EIF2B3: variants seen among roughly 807,000 people sequenced by gnomAD.
EIF2B3 encodes the protein eukaryotic translation initiation factor 2B subunit gamma, also known as translation initiation factor eIF2B subunit gamma.
EIF2B3 carries 20 observed loss-of-function variants against 54.1 expected under a neutral mutation model. That is an observed-to-expected ratio of 0.37 (90% CI 0.26 to 0.54). The LOEUF (loss-of-function observed/expected upper bound fraction) is 0.54. EIF2B3 is among the 20% of genes least tolerant of loss of function. The probability of loss-of-function intolerance (pLI) is 0.86; values close to 1 mark genes in which losing one functional copy is unlikely to be tolerated. For synonymous variants in EIF2B3, 153 were observed against 188.1 expected, an observed-to-expected ratio of 0.81 and a Z score of 1.52; for missense variants, 448 against 547.8, an observed-to-expected ratio of 0.82 and a Z score of 1.82.
chr1:44,938,869 AG>A (rs199925938), intron 4 of EIF2B3, among the ~76,000 whole-genome samples: 1,524 of 151,870 alleles, frequency 0.01, 11 homozygotes, highest in Non-Finnish European at 0.016. Flanking sequence ...AGACTGAGGC[AG>A]GGAGATTGCT....
chr1:44,914,845 C>G (rs948978905), intron 5 of EIF2B3, among the ~76,000 whole-genome samples: 1 of 152,112 alleles, frequency 6.6e-6, no homozygotes, highest in Admixed American at 6.5e-5. Flanking sequence ...CCCGCCACCA[C>G]GCCCAGCTAA....
At chr1:44,953,790 C>T (rs998934157) in intron 3 of EIF2B3, among the ~76,000 whole-genome samples, 4 of 152,026 alleles carry the variant, frequency 2.6e-5, no homozygotes, top group Non-Finnish European at 5.9e-5. Flanking sequence ...GACATTCTGT[C>T]TCAAAAATAA....
At chr1:44,862,582 T>A (rs1654641121) in intron 10 of EIF2B3, among the ~76,000 whole-genome samples, 1 of 152,204 alleles carries the variant, frequency 6.6e-6, no homozygotes, top group Admixed American at 6.5e-5. Context: ...ATATATCTAA[T>A]GTCTAATACA....
chr1:44,961,557 T>G (rs978814397), intron 3 of EIF2B3, among the ~76,000 whole-genome samples: 6 of 152,210 alleles, frequency 3.9e-5, no homozygotes, highest in African/African-American at 1.4e-4. Context: ...GGTGTGTGCC[T>G]GTATTCCCAG....
intron 4 of EIF2B3, chr1:44,937,455 A>C (rs982361201): frequency 6.6e-6 from 1 of 152,232 alleles, no homozygotes; most frequent in African/African-American, 2.4e-5. Context: ...GTAGGCAAAC[A>C]AAAGGATATA....
At chr1:44,864,867 T>C (rs1482838710) in intron 10 of EIF2B3, among the ~76,000 whole-genome samples, 1 of 152,208 alleles carries the variant, frequency 6.6e-6, no homozygotes, top group East Asian at 1.9e-4. Flanking sequence ...ATGTTTCCCT[T>C]CTAAATTCTC....
intron 3 of EIF2B3, among the ~76,000 whole-genome samples, chr1:44,977,162 G>A (rs1005003635): frequency 1.3e-5 from 2 of 152,266 alleles, no homozygotes; most frequent in East Asian, 1.9e-4. Context: ...ACATCACAAC[G>A]ATTGAATTTT....
chr1:44,952,842 A>G (rs28700974), intron 3 of EIF2B3, among the ~76,000 whole-genome samples: 27,041 of 151,870 alleles, frequency 0.18, 2,514 homozygotes, highest in African/African-American at 0.2. Flanking sequence ...ATGAGCCACC[A>G]CGCCTGGCCG....
At chr1:44,922,591 C>CAA (rs58626731) in intron 5 of EIF2B3, among the ~76,000 whole-genome samples, 16,995 of 87,302 alleles carry the variant, frequency 0.19, 1,579 homozygotes, top group Non-Finnish European at 0.25. Context: ...TGTCTCAAGA[C>CAA]AAAAAAAAAA....
chr1:44,852,863 T>C (rs1216731438), intron 11 of EIF2B3, among the ~76,000 whole-genome samples: 1 of 151,704 alleles, frequency 6.6e-6, no homozygotes, highest in Non-Finnish European at 1.5e-5. Flanking sequence ...GTGTCTAGCA[T>C]AGCTACTGCC....
At chr1:44,977,770 CT>C (rs1311504629) in intron 3 of EIF2B3, among the ~76,000 whole-genome samples, 1 of 151,886 alleles carries the variant, frequency 6.6e-6, no homozygotes, top group African/African-American at 2.4e-5. Flanking sequence ...TAGAGTATGT[CT>C]TTTTTTTCTT....
intron 1 of EIF2B3, among the ~76,000 whole-genome samples, chr1:44,981,747 G>A (rs1256110328): frequency 1.3e-5 from 2 of 151,848 alleles, no homozygotes; most frequent in African/African-American, 4.8e-5. Flanking sequence ...ACCAGCCTGG[G>A]CAACATGGCG....
At chr1:44,948,828 C>T (rs1644131264) in intron 3 of EIF2B3, among the ~76,000 whole-genome samples, 1 of 151,936 alleles carries the variant, frequency 6.6e-6, no homozygotes, top group Admixed American at 6.6e-5. Context: ...CTCCCCTCCA[C>T]ATAGCCAATG....
intron 6 of EIF2B3, among the ~76,000 whole-genome samples, chr1:44,890,590 C>T (rs1173260701): frequency 6.6e-6 from 1 of 152,036 alleles, no homozygotes; most frequent in Admixed American, 6.6e-5. Context: ...TTGCTAAATG[C>T]CTTAAGGTCA....
chr1:44,936,139 C>T (rs1002216558), intron 4 of EIF2B3, among the ~76,000 whole-genome samples: 4 of 152,030 alleles, frequency 2.6e-5, no homozygotes, highest in African/African-American at 9.7e-5. Context: ...GTTTAGAACC[C>T]CATTTCCCCG....
At chr1:44,858,581 T>A (rs1347995286) in intron 10 of EIF2B3, among the ~76,000 whole-genome samples, 1 of 152,094 alleles carries the variant, frequency 6.6e-6, no homozygotes, top group Non-Finnish European at 1.5e-5. Flanking sequence ...GCAATTCTCC[T>A]GCCTCAGCCT....
chr1:44,938,500 C>A (rs982007304), intron 4 of EIF2B3, among the ~76,000 whole-genome samples: 1 of 143,712 alleles, frequency 7.0e-6, no homozygotes, highest in Admixed American at 7.0e-5. Context: ...CTCTCTCTCT[C>A]TGTTTTTTTT....
chr1:44,942,947 C>T (rs1363517193), intron 3 of EIF2B3, among the ~76,000 whole-genome samples: 1 of 151,990 alleles, frequency 6.6e-6, no homozygotes, highest in South Asian at 2.1e-4. Flanking sequence ...GCTCCGCCTC[C>T]CGGGTTCATG....
chr1:44,854,223 G>A (rs1227176909), intron 11 of EIF2B3, among the ~76,000 whole-genome samples: 1 of 151,982 alleles, frequency 6.6e-6, no homozygotes, highest in Non-Finnish European at 1.5e-5. Context: ...GGCTGGTCTC[G>A]AACTCTTGAC....
Sources: gnomAD v4.1 joint callset for allele counts (sites outside exome capture counted in the v4.1 genomes callset) on GRCh38, gnomAD v4.1.1 for gene constraint, MANE v1.5 for transcripts, NCBI Gene and HGNC (gene_info 2026-07-23, HGNC 2026-07-21) for gene names.